Variants in ATP6V1G1 observed in about 807,000 individuals in gnomAD.
The protein encoded by ATP6V1G1 is V-type proton ATPase subunit G 1.
ATP6V1G1 carries 14 observed loss-of-function variants against 14.2 expected under a neutral mutation model. The observed-to-expected ratio is 0.99, with a 90% CI of 0.65 to 1.55. The LOEUF is 1.55. Ranked by LOEUF, ATP6V1G1 falls within the 40% of genes most tolerant of loss-of-function variation. The probability of loss-of-function intolerance (pLI) is 0.00; values close to 1 mark genes in which losing one functional copy is unlikely to be tolerated. For synonymous variants in ATP6V1G1, 65 were observed against 53.3 expected, an observed-to-expected ratio of 1.22 and a Z score of -0.96; for missense variants, 137 against 146.4, an observed-to-expected ratio of 0.94 and a Z score of 0.33.
rs759906767 is a variant in ATP6V1G1 at position 114,597,573 on chromosome 9, T to C, written c.187T>C (p.Leu63=). 6 of 1,498,758 alleles carry C rather than the reference T, an allele frequency of 4.0e-6. No individual in the cohort carries two copies. The highest frequency in any genetic ancestry group is 8.9e-7 in the Non-Finnish European group (1 of 1,123,488). The allele number at this position is 1,498,758 out of a possible 1,614,324, so 92.8% of individuals were successfully genotyped here. ...TGACATCACTCCCCATCTCCAGGCA[T>C]TGGGATCCCGTGGCAGTTGCAGCAC... The part of the protein sequence containing the change: ...KEFKAKEAAA[L]GSRGSCSTEV... The change falls in exon 3 of 3, where the codon TTG becomes CTG. Residue 63 remains leucine (L), a synonymous_variant. Coordinates refer to ENST00000374050, the MANE Select transcript of ATP6V1G1 (RefSeq NM_004888.4).
intron 1 of ATP6V1G1, among the ~76,000 whole-genome samples, chr9:114,591,991 A>G (rs769416739): frequency 1.3e-5 from 2 of 152,180 alleles, no homozygotes; most frequent in Non-Finnish European, 2.9e-5. Flanking sequence ...GTGCAGTCTT[A>G]CTGTCCAGTA....
chr9:114,589,436 G>A (rs1363030086), intron 1 of ATP6V1G1, among the ~76,000 whole-genome samples: 2 of 152,180 alleles, frequency 1.3e-5, no homozygotes, highest in Admixed American at 1.3e-4. Context: ...CATGCAAGGC[G>A]AAGATACTGA....
chr9:114,590,626 A>T (rs1001149799), intron 1 of ATP6V1G1, among the ~76,000 whole-genome samples: 2 of 151,898 alleles, frequency 1.3e-5, no homozygotes, highest in Non-Finnish European at 2.9e-5. Context: ...TAGTCAGAAG[A>T]ACTGCAGTTT....
intron 1 of ATP6V1G1, among the ~76,000 whole-genome samples, chr9:114,590,198 C>CA (rs71300693): frequency 0.46 from 44,777 of 97,070 alleles, 8,254 homozygotes; most frequent in East Asian, 0.68. Flanking sequence ...GACGCCGTCT[C>CA]AAAAAAAAAA....
At chr9:114,597,232 C>T (rs1320345979) in intron 2 of ATP6V1G1, among the ~76,000 whole-genome samples, 3 of 152,048 alleles carry the variant, frequency 2.0e-5, no homozygotes, top group African/African-American at 7.2e-5. Flanking sequence ...CCTCGTGATC[C>T]GCCCGCCTCG....
chr9:114,594,499 T>C (rs1845216011), intron 2 of ATP6V1G1, among the ~76,000 whole-genome samples: 1 of 151,254 alleles, frequency 6.6e-6, no homozygotes, highest in Non-Finnish European at 1.5e-5. Flanking sequence ...TTCTCCTGCC[T>C]CAGCCTCCCA....
At chr9:114,591,658 A>ATGTG (rs1248063480) in intron 1 of ATP6V1G1, among the ~76,000 whole-genome samples, 1 of 152,140 alleles carries the variant, frequency 6.6e-6, no homozygotes, top group African/African-American at 2.4e-5. Context: ...CTGAATCAGG[A>ATGTG]TGTGGAAGGT....
Position 114,598,317 on chromosome 9 carries a change from T to A in ATP6V1G1, c.*574T>A, listed in dbSNP as rs1232553013. The A allele has an allele frequency of 6.6e-6, 1 of 152,654 alleles. No homozygotes were observed. The highest frequency in any genetic ancestry group is 1.5e-5 in the Non-Finnish European group (1 of 68,046). The allele number at this position is 152,654 out of a possible 1,614,324, so 9.5% of individuals were successfully genotyped here. On this transcript the variant is annotated 3_prime_UTR_variant, in exon 3 of 3. Coordinates refer to ENST00000374050, the MANE Select transcript of ATP6V1G1 (RefSeq NM_004888.4). ...CTAGATGATAGAATTCAAGAACTTG[T>A]TACATGTATTACTTGGTGTATCGAT...
chr9:114,588,271 A>G (rs1484486512), intron 1 of ATP6V1G1, among the ~76,000 whole-genome samples: 1 of 151,278 alleles, frequency 6.6e-6, no homozygotes, highest in Non-Finnish European at 1.5e-5. Flanking sequence ...GCATCCACAC[A>G]GTTGCTTGGT....
At chr9:114,596,228 A>AG (rs1176246112) in intron 2 of ATP6V1G1, among the ~76,000 whole-genome samples, 2 of 152,000 alleles carry the variant, frequency 1.3e-5, no homozygotes, top group African/African-American at 4.8e-5. Flanking sequence ...CTAAAAACAC[A>AG]GAAAAAAAAA....
At position 114,597,672 on chromosome 9, in the gene ATP6V1G1, T is replaced by A; in HGVS notation, c.286T>A (p.Leu96Met). The part of the protein sequence containing the change: ...TYFRQNRDEV[L>M]DNLLAFVCDI... ...CTTCCGGCAGAACAGGGATGAAGTC[T>A]TGGACAACCTCTTGGCTTTTGTCTG... Residue 96 changes from leucine to methionine, a missense_variant, in exon 3 of 3, where the codon TTG (leucine) becomes ATG (methionine). Physicochemically the swap from Leu to Met is conservative, Grantham distance 15. Transcript: ENST00000374050. 1 of 1,596,484 alleles carries A rather than the reference T, an allele frequency of 6.3e-7. No homozygotes were observed. Among genetic ancestry groups the A allele is most frequent in the Non-Finnish European group, 8.5e-7 (1 of 1,173,470 alleles).
rs78983573 is a variant in ATP6V1G1 at position 114,594,394 on chromosome 9, T to C, written c.183+1742T>C. ...CCCCCCGCCCCTTTTTTTTTTTTTT[T>C]CCTGTCCGAGATGTAGTCTTGCTCT... On this transcript the variant is annotated intron_variant, in intron 2 of 2. Coordinates refer to ENST00000374050, the MANE Select transcript of ATP6V1G1 (RefSeq NM_004888.4). Among the ~76,000 whole-genome samples the C allele has an allele frequency of 4.2e-4, 63 of 150,358 alleles. 1 individual carries two copies. Among genetic ancestry groups the C allele is most frequent in the Middle Eastern group, 3.4e-3 (1 of 292 alleles).
intron 1 of ATP6V1G1, among the ~76,000 whole-genome samples, chr9:114,592,171 C>T (rs1435084217): frequency 1.3e-5 from 2 of 152,168 alleles, no homozygotes; most frequent in Admixed American, 6.5e-5. Flanking sequence ...TAGGGTTGCA[C>T]CTTTAATCAG....
intron 2 of ATP6V1G1, among the ~76,000 whole-genome samples, chr9:114,594,653 G>C (rs1459526074): frequency 2.6e-5 from 4 of 152,060 alleles, no homozygotes; most frequent in Non-Finnish European, 5.9e-5. Flanking sequence ...AAAATGCTGG[G>C]ATTACAGGCG....
At chr9:114,591,242 C>G (rs1247872881) in intron 1 of ATP6V1G1, among the ~76,000 whole-genome samples, 1 of 152,036 alleles carries the variant, frequency 6.6e-6, no homozygotes, top group Non-Finnish European at 1.5e-5. Context: ...TTTAGAGGCC[C>G]CTGTCAAAAT....
intron 2 of ATP6V1G1, among the ~76,000 whole-genome samples, chr9:114,593,265 T>A (rs748844437): frequency 3.3e-5 from 5 of 152,120 alleles, no homozygotes; most frequent in Non-Finnish European, 7.3e-5. Context: ...TAACAAAATA[T>A]AATTAAAACT....
rs1468852563 is a variant in ATP6V1G1, at chr9:114,587,824, A to G, written c.-15A>G. 4 of 1,578,582 alleles carry G rather than the reference A, an allele frequency of 2.5e-6. No homozygotes were observed. Among genetic ancestry groups the G allele is most frequent in the Non-Finnish European group, 3.4e-6 (4 of 1,162,134 alleles). On this transcript the variant is annotated 5_prime_UTR_variant, in exon 1 of 3. Coordinates refer to ENST00000374050, the MANE Select transcript of ATP6V1G1 (RefSeq NM_004888.4). ...GCCTTAGGCCGCTTGCCTTGCTCTC[A>G]GAATCGCTGCCGCCATGGCTAGTCA...
chr9:114,590,530 C>G (rs983220677), intron 1 of ATP6V1G1, among the ~76,000 whole-genome samples: 3 of 152,022 alleles, frequency 2.0e-5, no homozygotes, highest in Admixed American at 6.5e-5. Flanking sequence ...TTCTCAAACT[C>G]TCGGCCTCCC....
At position 114,597,948 on chromosome 9, in the gene ATP6V1G1, T is replaced by C. The variant is rs1206527506; in HGVS notation, c.*205T>C. 1 of 392,520 alleles carries C rather than the reference T, an allele frequency of 2.5e-6. No individual in the cohort carries two copies. The highest frequency in any genetic ancestry group is 4.2e-6 in the Non-Finnish European group (1 of 237,496). The allele number at this position is 392,520 out of a possible 1,614,324, so 24.3% of individuals were successfully genotyped here. A position where few individuals can be genotyped will look rare whatever the true frequency, so the allele number is the denominator to read the frequency against. On this transcript the variant is annotated 3_prime_UTR_variant, in exon 3 of 3. Transcript: ENST00000374050. ...TATCTAAAGATTTCATCTTTTTACC[T>C]CATATTTCTTAGGAATTTAATGGTT...
Sources: gnomAD v4.1 joint callset for allele counts (sites outside exome capture counted in the v4.1 genomes callset) on GRCh38, gnomAD v4.1.1 for gene constraint, MANE v1.5 for transcripts, NCBI Gene and HGNC (gene_info 2026-07-23, HGNC 2026-07-21) for gene names.